Variants in FAM149A observed in about 807,000 individuals in gnomAD.
FAM149A encodes the protein protein FAM149A.
FAM149A carries 71 observed loss-of-function variants against 78.2 expected under a neutral mutation model. The observed-to-expected ratio is 0.91, with a 90% confidence interval of 0.75 to 1.11. The LOEUF (loss-of-function observed/expected upper bound fraction) is 1.11, where lower values mean the gene tolerates loss of function less well. Ranked by LOEUF, FAM149A falls within the 50% of genes least tolerant of loss-of-function variation. FAM149A has a pLI of 0.00. For missense variants in FAM149A, 1,036 were observed against 971.0 expected (o/e 1.07, Z -0.89); for synonymous variants, 446 against 410.5 (o/e 1.09, Z -1.04).
chr4:186,104,991 C>T lies in FAM149A; in HGVS notation c.-86C>T. On this transcript the variant is annotated 5_prime_UTR_variant, in exon 1 of 14. Transcript: ENST00000389354. ...CTCCGGGTGCGGGGACCTCAGGCTC[C>T]TCGCCCCGGCCCGGGCCGCCTCGGC... 3 of 1,223,920 alleles carry T rather than the reference C, an allele frequency of 2.5e-6. No homozygotes were observed. Among genetic ancestry groups the T allele is most frequent in the Non-Finnish European group, 3.1e-6 (3 of 960,474 alleles). 75.8% of individuals were successfully genotyped at this position (1,223,920 alleles called of 1,614,324 possible). A position where few individuals can be genotyped will look rare whatever the true frequency, so the allele number is the denominator to read the frequency against.
intron 1 of FAM149A, chr4:186,130,212 G>A (rs187549296): frequency 7.4e-5 from 11 of 147,926 alleles, no homozygotes; most frequent in African/African-American, 2.5e-4. Flanking sequence ...CTTGTAAACG[G>A]TGCAAAACCT....
chr4:186,121,941 G>T (rs1432116982), intron 1 of FAM149A, among the ~76,000 whole-genome samples: 1 of 152,122 alleles, frequency 6.6e-6, no homozygotes, highest in African/African-American at 2.4e-5. Flanking sequence ...TCTGTTAACT[G>T]TGCCGACCAA....
chr4:186,153,579 T>TA, intron 4 of FAM149A, 66 bp from the exon 5 acceptor site: 1 of 1,565,962 alleles, frequency 6.4e-7, no homozygotes, highest in East Asian at 2.3e-5. Flanking sequence ...CTCCTACTTT[T>TA]AAAATCTCCA....
intron 1 of FAM149A, chr4:186,125,963 C>T (rs748803936): frequency 4.2e-5 from 41 of 985,238 alleles, no homozygotes; most frequent in Non-Finnish European, 4.8e-5. Context: ...TCCAGCTGCC[C>T]GGAGGCTGGA....
intron 1 of FAM149A, among the ~76,000 whole-genome samples, chr4:186,139,270 T>C (rs2099324798): frequency 6.6e-6 from 1 of 152,076 alleles, no homozygotes; most frequent in African/African-American, 2.4e-5. Flanking sequence ...AGCCCCCAAA[T>C]CGGCCACTCC....
intron 3 of FAM149A, among the ~76,000 whole-genome samples, chr4:186,150,503 T>C (rs1430571948): frequency 1.6e-5 from 2 of 125,274 alleles, no homozygotes; most frequent in African/African-American, 5.9e-5. Context: ...CACTGCAAGC[T>C]CCGCCTCCCG....
Position 186,158,056 on chromosome 4 carries a change from G to A in FAM149A, c.1575+337G>A, listed in dbSNP as rs761750954. 54 of 1,378,880 alleles carry A rather than the reference G, an allele frequency of 3.9e-5. 1 individual carries two copies. The South Asian group carries it at 5.2e-4, about 13-fold the overall frequency. 85.4% of individuals were successfully genotyped at this position (1,378,880 alleles called of 1,614,324 possible). A position where few individuals can be genotyped will look rare whatever the true frequency, so the allele number is the denominator to read the frequency against. On this transcript the variant is annotated intron_variant, in intron 8 of 13. Transcript: ENST00000389354. ...TGGCATCTCTGTCATAAATCTGAAG[G>A]GACCTGGGAGAAGCTGCTGCTGGCA...
At chr4:186,139,032 T>C (rs2099324689) in intron 1 of FAM149A, among the ~76,000 whole-genome samples, 1 of 152,246 alleles carries the variant, frequency 6.6e-6, no homozygotes, top group Non-Finnish European at 1.5e-5. Context: ...TGTTTATTTC[T>C]ATCAATATGG....
intron 13 of FAM149A, chr4:186,170,057 A>G: frequency 1.7e-6 from 1 of 597,192 alleles, no homozygotes; most frequent in Non-Finnish European, 2.1e-6. Flanking sequence ...CCTCAGGATC[A>G]GGCTGGCTTT....
chr4:186,157,633 G>C lies in FAM149A; in HGVS notation c.1489G>C (p.Ala497Pro), dbSNP rs776027022. The C allele has an allele frequency of 6.2e-7, 1 of 1,614,114 alleles. No homozygotes were observed. Among genetic ancestry groups the C allele is most frequent in the South Asian group, 1.1e-5 (1 of 91,072 alleles). ...ATTTCCGCACGTCCTCGTTCCACAC[G>C]CTCACGCCGATGGAGCCAGTGGCCC... The change falls in exon 8 of 14, where the codon GCT (alanine) becomes CCT (proline). Residue 497 changes from alanine (A) to proline (P), a missense_variant. Transcript: ENST00000389354.
chr4:186,153,668 T>C lies in FAM149A; in HGVS notation c.956T>C (p.Leu319Pro). 1 of 1,614,196 alleles carries C rather than the reference T, an allele frequency of 6.2e-7. No homozygotes were observed. ...AGAGTATTAGGAAGACAGCTGATCC[T>C]GCCCACTGACAAAGGCGTCCAGCAT... The change falls in exon 5 of 14, where the codon CTG becomes CCG. Residue 319 changes from leucine to proline, a missense_variant. By Grantham distance (98) the Leu-to-Pro change is moderately conservative (BLOSUM62 -3). Transcript: ENST00000389354.
chr4:186,163,394 G>A, intron 9 of FAM149A, 30 bp from the exon 10 acceptor site: 1 of 1,581,502 alleles, frequency 6.3e-7, no homozygotes, highest in Non-Finnish European at 8.7e-7. Context: ...AGCACTCGCA[G>A]CTGAGTAGCT....
chr4:186,158,175 C>G (rs1009171095), intron 8 of FAM149A: 2 of 1,281,644 alleles, frequency 1.6e-6, no homozygotes, highest in African/African-American at 3.0e-5. Context: ...ACTGCTGCCA[C>G]CAGAGCCACT....
intron 1 of FAM149A, among the ~76,000 whole-genome samples, chr4:186,143,570 A>G (rs187470427): frequency 3.3e-5 from 5 of 152,194 alleles, no homozygotes; most frequent in Admixed American, 3.3e-4. Flanking sequence ...TTTTTGAGAC[A>G]GAGTCTCCCT....
chr4:186,150,459 G>A lies in FAM149A; in HGVS notation c.789+755G>A, dbSNP rs557308026. ...TTTTGAGACGGAGTCTCGCTCTGTC[G>A]CCCAGGCTGGAGTGCAGGGGCGCGA... On this transcript the variant is annotated intron_variant, in intron 3 of 13. Coordinates refer to ENST00000389354, the MANE Select transcript of FAM149A (RefSeq NM_001367768.3). Among the ~76,000 whole-genome samples, 10 of 101,648 alleles carry A rather than the reference G, an allele frequency of 9.8e-5. No individual in the cohort carries two copies. In the Admixed American group the frequency reaches 1.0e-3, roughly 10 times the overall value. The allele number at this position is 101,648 out of a possible 152,430, so 66.7% of individuals were successfully genotyped here. A position where few individuals can be genotyped will look rare whatever the true frequency, so the allele number is the denominator to read the frequency against.
At position 186,135,001 on chromosome 4, in the gene FAM149A, G is replaced by T. The variant is rs547040608; in HGVS notation, c.567-14172G>T. On this transcript the variant is annotated intron_variant, in intron 1 of 13. Coordinates refer to ENST00000389354, the MANE Select transcript of FAM149A (RefSeq NM_001367768.3). Reference sequence around the variant, plus strand: ...CAGATGAATCAGGGCGGTGGCTCTCGAAGTGCCATCCTGGGCCGCAGTACC... The same window carrying T: ...CAGATGAATCAGGGCGGTGGCTCTCTAAGTGCCATCCTGGGCCGCAGTACC... 2.2e-4 allele frequency among the ~76,000 whole-genome samples: 34 copies of T among 152,284 alleles called. 1 individual carries two copies. In the South Asian group the frequency reaches 6.6e-3, roughly 30 times the overall value.
At chr4:186,112,375 G>T (rs2099311673) in intron 1 of FAM149A, among the ~76,000 whole-genome samples, 1 of 115,904 alleles carries the variant, frequency 8.6e-6, no homozygotes, top group African/African-American at 3.2e-5. Context: ...TTTCCTAATT[G>T]AATACCCTTT....
chr4:186,127,499 G>A (rs2099318826), intron 1 of FAM149A: 2 of 985,300 alleles, frequency 2.0e-6, no homozygotes. Context: ...GTGGGTACCA[G>A]GTTCTGTCTA....
chr4:186,105,689 C>G, intron 1 of FAM149A, 47 bp downstream of exon 1: 2 of 1,024,036 alleles, frequency 2.0e-6, no homozygotes, highest in Non-Finnish European at 2.4e-6. Flanking sequence ...GCCGGGACCC[C>G]CGACCCCTCC....
Sources: gnomAD v4.1 joint callset for allele counts (sites outside exome capture counted in the v4.1 genomes callset) on GRCh38, gnomAD v4.1.1 for gene constraint, MANE v1.5 for transcripts, NCBI Gene and HGNC (gene_info 2026-07-23, HGNC 2026-07-21) for gene names.